Variants in LONRF1 observed in about 807,000 individuals in gnomAD.
LONRF1 encodes the protein LON peptidase N-terminal domain and RING finger protein 1.
In LONRF1, 37 loss-of-function variants were observed where a neutral mutation model predicts 85.8. That is an observed-to-expected ratio of 0.43 (90% CI 0.33 to 0.57). The LOEUF (loss-of-function observed/expected upper bound fraction) is 0.57, where lower values mean the gene tolerates loss of function less well. Ranked by LOEUF, LONRF1 falls within the 20% of genes least tolerant of loss-of-function variation. LONRF1 has a pLI of 0.04. For synonymous variants in LONRF1, 517 were observed against 390.1 expected, an observed-to-expected ratio of 1.33 and a Z score of -3.83; for missense variants, 1,036 against 978.0, an observed-to-expected ratio of 1.06 and a Z score of -0.79.
chr8:12,729,244 A>G lies in LONRF1; in HGVS notation c.1777T>C (p.Leu593=), dbSNP rs139777461. 131 of 1,614,022 alleles carry G rather than the reference A, an allele frequency of 8.1e-5. No homozygotes were observed. In the African/African-American group the frequency reaches 1.5e-3, roughly 18 times the overall value. ...GTCTGTATACTTCTTCGAATCATCA[A>G]TCTGTATCTTGGCTCAAATACATGG... The part of the protein sequence containing the change: ...PLHVFEPRYR[L]MIRRSIQTGT... The change falls in exon 9 of 12, where the codon TTG becomes CTG. Residue 593 remains leucine (L), a synonymous_variant. Transcript: ENST00000398246.
chr8:12,747,766 T>TCC (rs1799223412), intron 1 of LONRF1, among the ~76,000 whole-genome samples: 1 of 151,916 alleles, frequency 6.6e-6, no homozygotes, highest in East Asian at 1.9e-4. Context: ...CTTTTTTTTT[T>TCC]TTTTTTTTAG....
At chr8:12,743,793 A>G (rs1434350739) in intron 1 of LONRF1, among the ~76,000 whole-genome samples, 3 of 152,180 alleles carry the variant, frequency 2.0e-5, no homozygotes, top group Non-Finnish European at 4.4e-5. Flanking sequence ...TCTGGAGGAA[A>G]TGGGTTAATA....
chr8:12,740,438 T>A (rs1442158240), intron 3 of LONRF1, among the ~76,000 whole-genome samples: 1 of 152,022 alleles, frequency 6.6e-6, no homozygotes, highest in African/African-American at 2.4e-5. Flanking sequence ...GAACAAAGTA[T>A]GGAAAGTGAC....
At position 12,751,303 on chromosome 8, in the gene LONRF1, T is replaced by TTTTTTTTGTTTTTTG. The variant is rs1563160616; in HGVS notation, c.721+3396_721+3397insCAAAAAACAAAAAAA. Among the ~76,000 whole-genome samples, 58 of 95,940 alleles carry TTTTTTTTGTTTTTTG rather than the reference T, an allele frequency of 6.0e-4. 1 individual carries two copies. The highest frequency in any genetic ancestry group is 7.7e-4 in the Admixed American group (7 of 9,132). The allele number at this position is 95,940 out of a possible 152,430, so 62.9% of individuals were successfully genotyped here. A position where few individuals can be genotyped will look rare whatever the true frequency, so the allele number is the denominator to read the frequency against. On this transcript the variant is annotated intron_variant, in intron 1 of 11. Coordinates refer to ENST00000398246, the MANE Select transcript of LONRF1 (RefSeq NM_152271.5). Reference sequence around the variant, plus strand: ...TTATATTTTTATTTTTATGTTTTTTTTTTTTTTTTTTTTTTTTGAGACTGA... The same window carrying TTTTTTTTGTTTTTTG: ...TTATATTTTTATTTTTATGTTTTTTTTTTTTTTGTTTTTTGTTTTTTTTTTTTTTTTTGAGACTGA...
chr8:12,724,285 G>A (rs1425922335), intron 11 of LONRF1, among the ~76,000 whole-genome samples: 6 of 152,206 alleles, frequency 3.9e-5, no homozygotes, highest in South Asian at 2.1e-4. Context: ...GTTGCAAAGT[G>A]TGGGCAGGAA....
At chr8:12,731,591 T>C (rs1180719676) in intron 8 of LONRF1, 145 bp downstream of exon 8, 3 of 628,108 alleles carry the variant, frequency 4.8e-6, no homozygotes, top group Non-Finnish European at 8.0e-6. Context: ...TTTTATAAGA[T>C]TCTGTCTGTT....
intron 4 of LONRF1, 22 bp from the exon 5 acceptor site, chr8:12,737,162 A>C: frequency 6.2e-7 from 1 of 1,605,086 alleles, no homozygotes. Flanking sequence ...CAATAAACAA[A>C]GGTAACTGTA....
intron 1 of LONRF1, among the ~76,000 whole-genome samples, chr8:12,745,085 G>A (rs1019253358): frequency 6.6e-6 from 1 of 151,404 alleles, no homozygotes. Flanking sequence ...TATCCACTCT[G>A]ACCAAAGCAA....
intron 8 of LONRF1, 25 bp downstream of exon 8, chr8:12,731,711 A>T: frequency 6.3e-7 from 1 of 1,596,794 alleles, no homozygotes; most frequent in African/African-American, 1.4e-5. Flanking sequence ...GTAGTTCATA[A>T]TTTTTTTTAT....
Position 12,755,494 on chromosome 8 carries a change from C to T in LONRF1, c.-74G>A. ...CCTCCCGGGCGCGCGGCTCCGCACG[C>T]GGCCCGCGAGCAGGGGGGCGTGGCG... is the stretch of plus-strand genomic sequence containing the variant. On this transcript the variant is annotated 5_prime_UTR_variant, in exon 1 of 12. Transcript: ENST00000398246. 1 of 821,364 alleles carries T rather than the reference C, an allele frequency of 1.2e-6. No homozygotes were observed. The highest frequency in any genetic ancestry group is 1.5e-6 in the Non-Finnish European group (1 of 673,172). The allele number at this position is 821,364 out of a possible 1,614,324, so 50.9% of individuals were successfully genotyped here.
At chr8:12,730,072 G>C (rs1044978676) in intron 8 of LONRF1, among the ~76,000 whole-genome samples, 1 of 152,176 alleles carries the variant, frequency 6.6e-6, no homozygotes, top group African/African-American at 2.4e-5. Context: ...GACATAAGCA[G>C]GCAAGTGCTA....
rs752893150 is a variant in LONRF1 at position 12,743,302 on chromosome 8, A to G, written c.722-20T>C. The G allele has an allele frequency of 7.6e-7, 1 of 1,323,252 alleles. No individual in the cohort carries two copies. Among genetic ancestry groups the G allele is most frequent in the Non-Finnish European group, 1.1e-6 (1 of 927,354 alleles). 82.0% of individuals were successfully genotyped at this position (1,323,252 alleles called of 1,614,324 possible). Reference sequence around the variant, plus strand: ...TGGGTTCTGAAATAAATATTTTATAAGGATATGATTATTTTTAAAAGATTA... The same window carrying G: ...TGGGTTCTGAAATAAATATTTTATAGGGATATGATTATTTTTAAAAGATTA... On this transcript the variant is annotated intron_variant, in intron 1 of 11. Transcript: ENST00000398246.
chr8:12,731,149 G>C (rs906092453), intron 8 of LONRF1, among the ~76,000 whole-genome samples: 4 of 152,102 alleles, frequency 2.6e-5, no homozygotes, highest in Non-Finnish European at 4.4e-5. Context: ...AGCTCCATCA[G>C]CTGCTGTGTT....
chr8:12,731,686 T>G (rs768519305), intron 8 of LONRF1, 50 bp downstream of exon 8: 7 of 1,524,506 alleles, frequency 4.6e-6, no homozygotes, highest in Non-Finnish European at 6.2e-6. Flanking sequence ...GGTTTTTCCT[T>G]ACTATTAAAG....
chr8:12,751,463 C>A (rs1370770103), intron 1 of LONRF1, among the ~76,000 whole-genome samples: 1 of 151,066 alleles, frequency 6.6e-6, no homozygotes, highest in East Asian at 1.9e-4. Flanking sequence ...ACCACCACGC[C>A]TGGGTAATTT....
At chr8:12,738,220 T>C in intron 3 of LONRF1, 76 bp from the exon 4 acceptor site, 3 of 991,932 alleles carry the variant, frequency 3.0e-6, no homozygotes, top group Non-Finnish European at 4.2e-6. Flanking sequence ...ATTTACCTAA[T>C]AAAGAATATG....
chr8:12,743,398 CAAACT>C (rs1442526083), intron 1 of LONRF1, 116 bp from the exon 2 acceptor site: 2 of 689,098 alleles, frequency 2.9e-6, no homozygotes, highest in African/African-American at 1.8e-5. Context: ...TAATAATCAC[CAAACT>C]AAAGTCTATA....
Position 12,728,943 on chromosome 8 carries a change from A to G in LONRF1, c.1968T>C (p.Asp656=). Residue 656 remains aspartate (D), a synonymous_variant, in exon 10 of 12, where the codon GAT becomes GAC. Coordinates refer to ENST00000398246, the MANE Select transcript of LONRF1 (RefSeq NM_152271.5). ...ATTCAATGTCGGCAGTGCAATATCC[A>G]TCTTTCATTCCTCTTTTTAAAACCC... ...RFRVLKRGMK[D]GYCTADIEYL... The G allele has an allele frequency of 6.2e-7, 1 of 1,614,010 alleles. No individual in the cohort carries two copies. Among genetic ancestry groups the G allele is most frequent in the Non-Finnish European group, 8.5e-7 (1 of 1,179,878 alleles).
intron 10 of LONRF1, among the ~76,000 whole-genome samples, chr8:12,726,583 T>C (rs72603953): frequency 0.21 from 32,396 of 151,998 alleles, 3,977 homozygotes; most frequent in East Asian, 0.34. Flanking sequence ...GATAGAAGAG[T>C]AGTCTCAGAG....
Sources: gnomAD v4.1 joint callset for allele counts (sites outside exome capture counted in the v4.1 genomes callset) on GRCh38, gnomAD v4.1.1 for gene constraint, MANE v1.5 for transcripts, NCBI Gene and HGNC (gene_info 2026-07-23, HGNC 2026-07-21) for gene names.